PRKN: variants seen among roughly 807,000 people sequenced by gnomAD.
PRKN encodes parkin RBR E3 ubiquitin protein ligase.
PRKN carries 56 observed loss-of-function variants against 59.5 expected under a neutral mutation model. The ratio of observed to expected loss-of-function variants is 0.94; its 90% CI spans 0.76 to 1.18. PRKN has a LOEUF of 1.18. Ranked by LOEUF, PRKN falls within the 50% of genes most tolerant of loss-of-function variation. PRKN has a pLI of 0.00. For missense variants in PRKN, 657 were observed against 596.4 expected (o/e 1.10, Z -1.06); for synonymous variants, 250 against 222.1 (o/e 1.13, Z -1.12).
intron 7 of PRKN, among the ~76,000 whole-genome samples, chr6:161,610,492 T>TAC (rs370179659): frequency 0.2 from 28,499 of 139,732 alleles, 2,826 homozygotes; most frequent in Middle Eastern, 0.27. Flanking sequence ...ATATTAATAA[T>TAC]ACACACACAC....
chr6:162,704,161 A>C (rs1778257421), intron 1 of PRKN, among the ~76,000 whole-genome samples: 1 of 152,180 alleles, frequency 6.6e-6, no homozygotes, highest in Non-Finnish European at 1.5e-5. Context: ...CTAACACAAT[A>C]GCTGGAGCTG....
At chr6:161,644,647 C>T (rs1582937707) in intron 7 of PRKN, among the ~76,000 whole-genome samples, 1 of 152,186 alleles carries the variant, frequency 6.6e-6, no homozygotes, top group South Asian at 2.1e-4. Context: ...TTGGCTTGGA[C>T]ATATGGTTTT....
rs1196135796 is a variant in PRKN, at chr6:161,379,805, TTCCCCAC to T, written c.1167+6982_1167+6988del. On this transcript the variant is annotated intron_variant, in intron 10 of 11. Coordinates refer to ENST00000366898, the MANE Select transcript of PRKN (RefSeq NM_004562.3). This position sits in a 1 kb window ranked among gnomAD's most constrained non-coding sequence, Gnocchi z 4.9. ...CCTTCCTTCAAACTGCTTCATGCGATTCCCCACAGCATCCTCCAGTACACAGTCTGCA... is the reference window on the plus strand; with the variant it reads ...CCTTCCTTCAAACTGCTTCATGCGATAGCATCCTCCAGTACACAGTCTGCA... Among the ~76,000 whole-genome samples the T allele has an allele frequency of 2.6e-5, 4 of 152,232 alleles. No individual in the cohort carries two copies. Among genetic ancestry groups the T allele is most frequent in the African/African-American group, 7.2e-5 (3 of 41,464 alleles).
At chr6:161,543,701 A>C (rs1779697313) in intron 9 of PRKN, among the ~76,000 whole-genome samples, 1 of 152,256 alleles carries the variant, frequency 6.6e-6, no homozygotes, top group Non-Finnish European at 1.5e-5. Flanking sequence ...AAAATTCCTT[A>C]TCCAACTTCA....
intron 1 of PRKN, among the ~76,000 whole-genome samples, chr6:162,500,321 G>A (rs1270756991): frequency 6.6e-6 from 1 of 152,006 alleles, no homozygotes; most frequent in East Asian, 1.9e-4. Context: ...ACAGGCGCCC[G>A]CCACCACGCC....
rs397518439 is a variant in PRKN, at chr6:162,727,661, C to G, written c.7+1G>C. ...GCTGTACCTGGCAGGTACCCACGTA[C>G]CTATCATGGTCACTGGGTAGGTGGC... On this transcript the variant is annotated splice_donor_variant, in intron 1 of 11. Transcript: ENST00000366898. LOFTEE classifies it high-confidence loss of function. The G allele has an allele frequency of 6.3e-7, 1 of 1,584,984 alleles. No homozygotes were observed. Among genetic ancestry groups the G allele is most frequent in the Non-Finnish European group, 8.6e-7 (1 of 1,166,670 alleles).
At chr6:161,790,238 A>T (rs1583168336) in intron 6 of PRKN, among the ~76,000 whole-genome samples, 1 of 152,352 alleles carries the variant, frequency 6.6e-6, no homozygotes, top group East Asian at 1.9e-4. Flanking sequence ...AGCAGGAAGG[A>T]ATCACAGACA....
intron 4 of PRKN, among the ~76,000 whole-genome samples, chr6:162,103,895 A>T (rs1012822239): frequency 6.6e-6 from 1 of 152,300 alleles, no homozygotes; most frequent in East Asian, 1.9e-4. Context: ...TTCTCGAAAG[A>T]GCATAAGATG....
At chr6:161,382,028 C>T (rs898707896) in intron 10 of PRKN, among the ~76,000 whole-genome samples, 2 of 144,552 alleles carry the variant, frequency 1.4e-5, no homozygotes, top group Admixed American at 7.2e-5. Context: ...AGGAGAATGG[C>T]GTGAACCCGG....
intron 6 of PRKN, among the ~76,000 whole-genome samples, chr6:161,969,969 T>C (rs2128250935): frequency 6.6e-6 from 1 of 152,328 alleles, no homozygotes; most frequent in Admixed American, 6.5e-5. Context: ...TACAACAGCA[T>C]ATCCCCACAT....
chr6:162,258,593 A>T (rs1162804659), intron 3 of PRKN, among the ~76,000 whole-genome samples: 1 of 152,210 alleles, frequency 6.6e-6, no homozygotes, highest in African/African-American at 2.4e-5. Context: ...TATTTCGGGC[A>T]GTACTACTCA....
rs575713718 is a variant in PRKN at position 162,333,110 on chromosome 6, T to G, written c.172-70345A>C. Among the ~76,000 whole-genome samples, 4 of 152,280 alleles carry G rather than the reference T, an allele frequency of 2.6e-5. No individual in the cohort carries two copies. The South Asian group carries it at 8.3e-4, about 32-fold the overall frequency. On this transcript the variant is annotated intron_variant, in intron 2 of 11. Coordinates refer to ENST00000366898, the MANE Select transcript of PRKN (RefSeq NM_004562.3). ...CCCTGTTACTATACTTTTTCCTATT[T>G]TGAATTTTAACTAGAGAAAGAGACC... is the stretch of plus-strand genomic sequence containing the variant.
chr6:162,359,079 A>AAAATATATATATATATATATAT (rs57265104), intron 2 of PRKN, among the ~76,000 whole-genome samples: 16 of 83,238 alleles, frequency 1.9e-4, no homozygotes, highest in African/African-American at 1.2e-3. Context: ...AAAAAAAAAA[A>AAAATATATATATATATATATAT]ATATATATAT....
intron 3 of PRKN, among the ~76,000 whole-genome samples, chr6:162,209,314 T>C (rs1019341957): frequency 6.6e-5 from 10 of 151,948 alleles, no homozygotes; most frequent in Admixed American, 2.0e-4. Flanking sequence ...TATGCATCCA[T>C]AGAACAGACA....
chr6:162,161,146 G>T (rs9347593), intron 4 of PRKN, among the ~76,000 whole-genome samples: 132,152 of 152,138 alleles, frequency 0.87, 58,600 homozygotes, highest in Non-Finnish European at 0.97. Context: ...CTAGGATCAG[G>T]CACATCTATA....
chr6:162,148,802 A>G (rs1782137272), intron 4 of PRKN, among the ~76,000 whole-genome samples: 1 of 152,230 alleles, frequency 6.6e-6, no homozygotes, highest in Non-Finnish European at 1.5e-5. Context: ...TCTCAGATAC[A>G]AGACAAAAAG....
intron 5 of PRKN, among the ~76,000 whole-genome samples, chr6:161,992,972 G>A (rs1432114129): frequency 2.0e-5 from 3 of 151,954 alleles, no homozygotes; most frequent in African/African-American, 7.2e-5. Context: ...TAAGAGAAAA[G>A]TTTATAGCAA....
intron 2 of PRKN, among the ~76,000 whole-genome samples, chr6:162,358,041 G>T (rs1784951158): frequency 6.6e-6 from 1 of 152,144 alleles, no homozygotes; most frequent in Non-Finnish European, 1.5e-5. Context: ...CACAAAGAAT[G>T]AAGCTTAATG....
intron 1 of PRKN, among the ~76,000 whole-genome samples, chr6:162,573,664 A>G (rs1453601856): frequency 6.6e-6 from 1 of 152,184 alleles, no homozygotes; most frequent in Non-Finnish European, 1.5e-5. Context: ...CTGGTCTACC[A>G]ATGCCACTTC....
Sources: gnomAD v4.1 joint callset for allele counts (sites outside exome capture counted in the v4.1 genomes callset) on GRCh38, gnomAD v4.1.1 for gene constraint, Gnocchi (gnomAD v3.1) non-coding constraint, MANE v1.5 for transcripts, NCBI Gene and HGNC (gene_info 2026-07-23, HGNC 2026-07-21) for gene names.